Variants in SLCO1C1 observed in about 807,000 individuals in gnomAD.
SLCO1C1 encodes the protein OAT-RP-5.
SLCO1C1 carries 70 observed loss-of-function variants against 76.4 expected under a neutral mutation model. The ratio of observed to expected loss-of-function variants is 0.92; its 90% CI spans 0.76 to 1.12. SLCO1C1 has a LOEUF of 1.12. SLCO1C1 is among the 50% of genes most tolerant of loss of function. The probability of loss-of-function intolerance (pLI) is 0.00; values close to 1 mark genes in which losing one functional copy is unlikely to be tolerated. For missense variants in SLCO1C1, 912 were observed against 823.8 expected (o/e 1.11, Z -1.31); for synonymous variants, 306 against 286.1 (o/e 1.07, Z -0.70).
intron 13 of SLCO1C1, 137 bp from the exon 14 acceptor site, chr12:20,750,538 G>A: frequency 1.4e-6 from 1 of 734,786 alleles, no homozygotes; most frequent in Non-Finnish European, 2.3e-6. Context: ...AGATAGGTTT[G>A]GGAGATTTCA....
chr12:20,748,185 A>G (rs1269144828), intron 13 of SLCO1C1, among the ~76,000 whole-genome samples: 1 of 152,192 alleles, frequency 6.6e-6, no homozygotes, highest in Admixed American at 6.5e-5. Flanking sequence ...ATTAGGTGAT[A>G]TATCTCTAAA....
intron 9 of SLCO1C1, among the ~76,000 whole-genome samples, chr12:20,729,426 C>G (rs1484997305): frequency 3.3e-5 from 5 of 152,010 alleles, no homozygotes; most frequent in Admixed American, 1.3e-4. Context: ...ACATGGGATT[C>G]AATTCAATTA....
In SLCO1C1 at chr12:20,699,314, A is replaced by C. The variant is rs17325179; in HGVS notation, c.-25-238A>C. Among the ~76,000 whole-genome samples, 823 of 152,088 alleles carry C rather than the reference A, an allele frequency of 5.4e-3. 2 individuals carry two copies. The highest frequency in any genetic ancestry group is 9.0e-3 in the Non-Finnish European group (612 of 67,962). ...ACACTTAAATTTATTCTTTGCCATA[A>C]TGAGGCTTAAACTGGGCAGATTGAG... On this transcript the variant is annotated intron_variant, in intron 1 of 14. Coordinates refer to ENST00000266509, the MANE Select transcript of SLCO1C1 (RefSeq NM_017435.5).
Position 20,710,174 on chromosome 12 carries a change from T to G in SLCO1C1, c.405-1212T>G, listed in dbSNP as rs116173586. Among the ~76,000 whole-genome samples the G allele has an allele frequency of 6.9e-3, 1,032 of 150,384 alleles. 6 individuals carry two copies. Among genetic ancestry groups the G allele is most frequent in the African/African-American group, 0.015 (620 of 40,630 alleles). Reference sequence around the variant, plus strand: ...AATGCAATACATCTTTTCCTTACCATGCTGAATAAACAGTTCTCTACTTTT... The same window carrying G: ...AATGCAATACATCTTTTCCTTACCAGGCTGAATAAACAGTTCTCTACTTTT... On this transcript the variant is annotated intron_variant, in intron 4 of 14. Transcript: ENST00000266509.
intron 4 of SLCO1C1, among the ~76,000 whole-genome samples, chr12:20,710,371 A>G (rs1039050491): frequency 6.6e-6 from 1 of 151,840 alleles, no homozygotes; most frequent in South Asian, 2.1e-4. Flanking sequence ...ATGCATGCCA[A>G]TGCATATTCC....
intron 10 of SLCO1C1, among the ~76,000 whole-genome samples, chr12:20,733,322 C>T (rs1343227162): frequency 6.6e-6 from 1 of 152,070 alleles, no homozygotes; most frequent in Non-Finnish European, 1.5e-5. Context: ...TTGCTAAACC[C>T]ATATTTTACA....
chr12:20,741,181 T>G (rs1278864937), intron 12 of SLCO1C1, among the ~76,000 whole-genome samples: 1 of 152,042 alleles, frequency 6.6e-6, no homozygotes, highest in Non-Finnish European at 1.5e-5. Flanking sequence ...GCCACACCCA[T>G]GAGCCAATCA....
chr12:20,721,960 C>T lies in SLCO1C1; in HGVS notation c.932C>T (p.Ser311Phe). The stretch of plus-strand genomic sequence containing the variant: ...CAAAGTAGAGAGGATTCTAATTCTT[C>T]CTCTGAGAAATCCAAGTTTATTATA... Reference protein sequence around the residue: ...RSQSREDSNSSSEKSKFIIDD... With the variant: ...RSQSREDSNSFSEKSKFIIDD... The change falls in exon 8 of 15, where the codon TCC (serine) becomes TTC (phenylalanine). Residue 311 changes from serine to phenylalanine, a missense_variant. Ser to Phe is a radical substitution (Grantham distance 155, BLOSUM62 -2). Coordinates refer to ENST00000266509, the MANE Select transcript of SLCO1C1 (RefSeq NM_017435.5). The T allele has an allele frequency of 2.5e-6, 4 of 1,614,064 alleles. No homozygotes were observed. Among genetic ancestry groups the T allele is most frequent in the Non-Finnish European group, 3.4e-6 (4 of 1,180,002 alleles).
rs146144282 is a variant in SLCO1C1, at chr12:20,713,595, T to C, written c.530-1544T>C. On this transcript the variant is annotated intron_variant, in intron 5 of 14. Transcript: ENST00000266509. ...TTAAAGTCTGTTTCGTTAGACATAG[T>C]GGACACAAGACTCATCCTAAAGCTG... is the stretch of plus-strand genomic sequence containing the variant. Among the ~76,000 whole-genome samples the C allele has an allele frequency of 2.0e-5, 3 of 152,262 alleles. No individual in the cohort carries two copies. The East Asian group carries it at 5.8e-4, about 29-fold the overall frequency.
chr12:20,736,460 C>A (rs774729143), intron 10 of SLCO1C1, among the ~76,000 whole-genome samples: 3 of 151,934 alleles, frequency 2.0e-5, no homozygotes, highest in Non-Finnish European at 4.4e-5. Flanking sequence ...ATTGAACTTA[C>A]TTGTGAATTT....
At chr12:20,712,410 C>G (rs1947153648) in intron 5 of SLCO1C1, among the ~76,000 whole-genome samples, 1 of 152,118 alleles carries the variant, frequency 6.6e-6, no homozygotes, top group Non-Finnish European at 1.5e-5. Context: ...GCCGAGGTAA[C>G]ACAGATTTTC....
chr12:20,736,153 A>T (rs1010384636), intron 10 of SLCO1C1, among the ~76,000 whole-genome samples: 2 of 152,110 alleles, frequency 1.3e-5, no homozygotes, highest in Non-Finnish European at 2.9e-5. Context: ...TATGAATAGC[A>T]AAAAAAAGGA....
At chr12:20,711,144 C>A (rs1947076420) in intron 4 of SLCO1C1, among the ~76,000 whole-genome samples, 1 of 152,160 alleles carries the variant, frequency 6.6e-6, no homozygotes, top group Non-Finnish European at 1.5e-5. Flanking sequence ...TCAAGGCCAT[C>A]TTGGGCCACA....
chr12:20,703,751 C>A (rs978862197), intron 3 of SLCO1C1, among the ~76,000 whole-genome samples: 1 of 151,484 alleles, frequency 6.6e-6, no homozygotes, highest in African/African-American at 2.4e-5. Context: ...TAATGAACTG[C>A]GCTTGGTTGG....
chr12:20,747,760 G>A (rs1592340245), intron 13 of SLCO1C1, among the ~76,000 whole-genome samples: 1 of 151,900 alleles, frequency 6.6e-6, no homozygotes, highest in Admixed American at 6.6e-5. Flanking sequence ...TTGTTCTTGG[G>A]GTTTCAAGCA....
chr12:20,715,381 T>A, intron 6 of SLCO1C1, 96 bp downstream of exon 6: 1 of 1,355,692 alleles, frequency 7.4e-7, no homozygotes, highest in South Asian at 1.4e-5. Context: ...GGAAGCTTTT[T>A]ATACTTCATA....
Position 20,737,126 on chromosome 12 carries a change from C to A in SLCO1C1, c.1402C>A (p.His468Asn). ...TTTCAGAACCAAACCTGTCTCTTAT[C>A]ATGAACGAGCTCTCTTTTCAGATTG... ...SYQGTKPVSY[H>N]ERALFSDCNS... Residue 468 changes from histidine (H) to asparagine (N), a missense_variant, in exon 11 of 15, where the codon CAT becomes AAT. His to Asn is a moderately conservative substitution (Grantham distance 68, BLOSUM62 1). Coordinates refer to ENST00000266509, the MANE Select transcript of SLCO1C1 (RefSeq NM_017435.5). 1 of 1,529,918 alleles carries A rather than the reference C, an allele frequency of 6.5e-7. No homozygotes were observed. Among genetic ancestry groups the A allele is most frequent in the Non-Finnish European group, 8.7e-7 (1 of 1,146,674 alleles). The allele number at this position is 1,529,918 out of a possible 1,614,324, so 94.8% of individuals were successfully genotyped here. A position where few individuals can be genotyped will look rare whatever the true frequency, so the allele number is the denominator to read the frequency against.
chr12:20,712,112 A>G (rs1010082332), intron 5 of SLCO1C1, among the ~76,000 whole-genome samples: 2 of 152,112 alleles, frequency 1.3e-5, no homozygotes, highest in Admixed American at 6.6e-5. Flanking sequence ...GTCCATGTTC[A>G]TACTTTTTTT....
intron 12 of SLCO1C1, among the ~76,000 whole-genome samples, chr12:20,740,815 A>ATATATC (rs2083124430): frequency 7.5e-6 from 1 of 133,458 alleles, no homozygotes; most frequent in Non-Finnish European, 1.6e-5. Context: ...ATATATATAT[A>ATATATC]TATGGCTTTA....
Sources: gnomAD v4.1 joint callset for allele counts (sites outside exome capture counted in the v4.1 genomes callset) on GRCh38, gnomAD v4.1.1 for gene constraint, MANE v1.5 for transcripts, NCBI Gene and HGNC (gene_info 2026-07-23, HGNC 2026-07-21) for gene names.